The following PRTG variants were observed in gnomAD, a reference collection of about 807,000 sequenced individuals.
PRTG encodes protogenin, also known as immunoglobulin superfamily, DCC subclass, member 5.
PRTG carries 67 observed loss-of-function variants against 122.5 expected under a neutral mutation model. The observed-to-expected ratio is 0.55, with a 90% CI of 0.45 to 0.67. The LOEUF (loss-of-function observed/expected upper bound fraction) is 0.67. Ranked by LOEUF, PRTG falls within the 30% of genes least tolerant of loss-of-function variation. PRTG has a pLI of 0.00. For synonymous variants in PRTG, 554 were observed against 501.1 expected, an observed-to-expected ratio of 1.11 and a Z score of -1.41; for missense variants, 1,435 against 1,415.4, an observed-to-expected ratio of 1.01 and a Z score of -0.22.
At chr15:55,671,742 C>A (rs561197293) in intron 11 of PRTG, among the ~76,000 whole-genome samples, 2 of 152,244 alleles carry the variant, frequency 1.3e-5, no homozygotes, top group South Asian at 4.2e-4. Flanking sequence ...CTCAAGAGAT[C>A]CACCCGCGTT....
At chr15:55,707,865 C>T (rs2414424) in intron 2 of PRTG, among the ~76,000 whole-genome samples, 29,489 of 152,116 alleles carry the variant, frequency 0.19, 3,499 homozygotes, top group East Asian at 0.58. Context: ...AGCTAGATTT[C>T]CCAACTTTGT....
chr15:55,709,892 G>A (rs1002993861), intron 2 of PRTG, among the ~76,000 whole-genome samples: 16 of 152,260 alleles, frequency 1.1e-4, no homozygotes, highest in Admixed American at 7.8e-4. Context: ...AGAAACTTTC[G>A]GGAGAGATGA....
chr15:55,679,920 C>T, intron 6 of PRTG, 134 bp downstream of exon 6: 2 of 701,652 alleles, frequency 2.9e-6, no homozygotes, highest in South Asian at 2.3e-5. Flanking sequence ...TTGTTTTTTC[C>T]TGAAATTCAT....
chr15:55,719,027 G>A lies in PRTG; in HGVS notation c.397+21355C>T, dbSNP rs570059996. Among the ~76,000 whole-genome samples the A allele has an allele frequency of 3.3e-5, 5 of 152,244 alleles. No individual in the cohort carries two copies. In the South Asian group the frequency reaches 6.2e-4, roughly 19 times the overall value. ...CCCAAAGTGTTAGGATTACAGGCAT[G>A]AGCCACCGTGCCCAGCCTCAAATTA... On this transcript the variant is annotated intron_variant, in intron 2 of 19. Coordinates refer to ENST00000389286, the MANE Select transcript of PRTG (RefSeq NM_173814.6).
At chr15:55,689,499 TG>T (rs1306632261) in intron 2 of PRTG, among the ~76,000 whole-genome samples, 2 of 151,768 alleles carry the variant, frequency 1.3e-5, no homozygotes, top group Non-Finnish European at 2.9e-5. Flanking sequence ...GGAGGGAGTC[TG>T]GGGGAGGGAT....
chr15:55,623,690 C>G (rs1465133044), intron 18 of PRTG, among the ~76,000 whole-genome samples: 1 of 152,158 alleles, frequency 6.6e-6, no homozygotes, highest in African/African-American at 2.4e-5. Flanking sequence ...GGAGCTATTC[C>G]AATAACGTAC....
In PRTG at chr15:55,619,264, T is replaced by C. The variant is rs936208912; in HGVS notation, c.*748A>G. The C allele has an allele frequency of 5.9e-5, 9 of 152,116 alleles. No individual in the cohort carries two copies. The highest frequency in any genetic ancestry group is 1.3e-4 in the Non-Finnish European group (9 of 68,028). The allele number at this position is 152,116 out of a possible 1,614,324, so 9.4% of individuals were successfully genotyped here. ...CCTACCTGGTATTGAATAGTTCTGT[T>C]CTCAAAAGAAATATACTTTCTTGTT... On this transcript the variant is annotated 3_prime_UTR_variant, in exon 20 of 20. Transcript: ENST00000389286.
intron 1 of PRTG, among the ~76,000 whole-genome samples, 153 bp downstream of exon 1, chr15:55,742,685 G>A (rs570681976): frequency 1.3e-5 from 2 of 152,318 alleles, no homozygotes; most frequent in Admixed American, 6.5e-5. Flanking sequence ...GTTCCGGACA[G>A]GCCGCAGGGC....
In PRTG at chr15:55,690,102, T is replaced by C. The variant is rs142979216; in HGVS notation, c.398-6171A>G. Among the ~76,000 whole-genome samples the C allele has an allele frequency of 9.3e-3, 1,417 of 152,296 alleles. 62 individuals carry two copies. The highest frequency in any genetic ancestry group is 0.068 in the Admixed American group (1,043 of 15,290). On this transcript the variant is annotated intron_variant, in intron 2 of 19. Transcript: ENST00000389286. The stretch of plus-strand genomic sequence containing the variant: ...AAGGAGTTAATTTCCATGAATCACA[T>C]ATTAATATTGATCCCATTGTTCTTA...
At chr15:55,702,350 T>G (rs566808375) in intron 2 of PRTG, among the ~76,000 whole-genome samples, 1 of 152,318 alleles carries the variant, frequency 6.6e-6, no homozygotes, top group South Asian at 2.1e-4. Context: ...TCATCAGTTT[T>G]ACTTTCTGCT....
intron 15 of PRTG, among the ~76,000 whole-genome samples, chr15:55,630,025 C>T (rs1379276821): frequency 1.4e-5 from 2 of 146,140 alleles, no homozygotes; most frequent in African/African-American, 2.5e-5. Context: ...CTCACTCTGT[C>T]GCCCAGGCTA....
At chr15:55,711,834 A>C (rs151014975) in intron 2 of PRTG, among the ~76,000 whole-genome samples, 1 of 152,308 alleles carries the variant, frequency 6.6e-6, no homozygotes, top group East Asian at 1.9e-4. Flanking sequence ...TTTAGAAATA[A>C]TTTGTTATGC....
intron 15 of PRTG, among the ~76,000 whole-genome samples, chr15:55,629,880 T>C (rs1398915575): frequency 2.0e-5 from 3 of 150,628 alleles, no homozygotes; most frequent in Non-Finnish European, 3.0e-5. Flanking sequence ...TGCAGTGGCA[T>C]GATCATGGCT....
chr15:55,629,371 A>G (rs62017967), intron 15 of PRTG, among the ~76,000 whole-genome samples: 167 of 35,462 alleles, frequency 4.7e-3, no homozygotes, highest in African/African-American at 0.011. Context: ...ATATATATAT[A>G]TATATGTGTG....
chr15:55,641,226 G>A lies in PRTG; in HGVS notation c.2042-18C>T. The A allele has an allele frequency of 6.4e-7, 1 of 1,562,834 alleles. No homozygotes were observed. Among genetic ancestry groups the A allele is most frequent in the African/African-American group, 1.4e-5 (1 of 73,948 alleles). On this transcript the variant is annotated intron_variant, in intron 11 of 19. Transcript: ENST00000389286. Reference sequence around the variant, plus strand: ...TCTGGGGTCTATAAAGAAACCAATAGGAAATAATTAGGACCAGGTCTCTAG... The same window carrying A: ...TCTGGGGTCTATAAAGAAACCAATAAGAAATAATTAGGACCAGGTCTCTAG...
intron 2 of PRTG, 78 bp from the exon 3 acceptor site, chr15:55,684,009 T>C (rs2059556580): frequency 1.6e-6 from 2 of 1,236,840 alleles, no homozygotes; most frequent in African/African-American, 1.5e-5. Context: ...TAGATATTAC[T>C]TATTGGACTT....
chr15:55,702,003 T>C (rs2029910766), intron 2 of PRTG, among the ~76,000 whole-genome samples: 1 of 152,184 alleles, frequency 6.6e-6, no homozygotes, highest in Non-Finnish European at 1.5e-5. Context: ...TGTATCCTGA[T>C]TGTAGTGATG....
rs924518683 is a variant in PRTG at position 55,660,775 on chromosome 15, T to G, written c.2041+11670A>C. The stretch of plus-strand genomic sequence containing the variant: ...AAAAAAATAAAGCAGTAAAATAAAT[T>G]TAGTAGCTAAACCTCAAGATATAAA... On this transcript the variant is annotated intron_variant, in intron 11 of 19. Coordinates refer to ENST00000389286, the MANE Select transcript of PRTG (RefSeq NM_173814.6). 3.3e-5 allele frequency among the ~76,000 whole-genome samples: 5 copies of G among 152,158 alleles called. No individual in the cohort carries two copies. In the South Asian group the frequency reaches 1.0e-3, roughly 32 times the overall value.
intron 2 of PRTG, among the ~76,000 whole-genome samples, chr15:55,716,956 C>T (rs1167802125): frequency 2.6e-5 from 4 of 152,158 alleles, no homozygotes; most frequent in East Asian, 3.9e-4. Context: ...GAATTCATGT[C>T]GAGGAACATC....
Sources: gnomAD v4.1 joint callset for allele counts (sites outside exome capture counted in the v4.1 genomes callset) on GRCh38, gnomAD v4.1.1 for gene constraint, MANE v1.5 for transcripts, NCBI Gene and HGNC (gene_info 2026-07-23, HGNC 2026-07-21) for gene names.